Variants in AGFG1 observed in about 807,000 individuals in gnomAD.
AGFG1 encodes arf-GAP domain and FG repeat-containing protein 1.
Under a neutral mutation model 60.6 loss-of-function variants are expected in AGFG1, and 10 were observed. That is an observed-to-expected ratio of 0.16 (90% CI 0.10 to 0.28). The LOEUF (loss-of-function observed/expected upper bound fraction) is 0.28, where lower values mean the gene tolerates loss of function less well. Among genes scored for constraint, AGFG1 ranks in the 10% least tolerant of loss-of-function variants. The pLI is 1.00. For synonymous variants in AGFG1, 247 were observed against 242.9 expected, an observed-to-expected ratio of 1.02 and a Z score of -0.16; for missense variants, 537 against 676.5, an observed-to-expected ratio of 0.79 and a Z score of 2.29.
chr2:227,526,769 C>T (rs1240657908), intron 5 of AGFG1, among the ~76,000 whole-genome samples: 1 of 152,054 alleles, frequency 6.6e-6, no homozygotes. Context: ...GTCTCGAACT[C>T]CTGACCTCAG....
chr2:227,505,262 T>C (rs1408909695), intron 2 of AGFG1, among the ~76,000 whole-genome samples: 4 of 152,244 alleles, frequency 2.6e-5, no homozygotes, highest in African/African-American at 7.2e-5. Flanking sequence ...ATTTTTGTTT[T>C]CAGAATGTGA....
rs542599110 is a variant in AGFG1, at chr2:227,488,599, G to A, written c.168-2948G>A. Among the ~76,000 whole-genome samples, 244 of 152,340 alleles carry A rather than the reference G, an allele frequency of 1.6e-3. 1 individual carries two copies. Among genetic ancestry groups the A allele is most frequent in the Middle Eastern group, 3.4e-3 (1 of 294 alleles). On this transcript the variant is annotated intron_variant, in intron 1 of 12. Transcript: ENST00000310078. ...AAGGAGAGACAAAGTTGCAAAGTGA[G>A]AAGGAAGGAGTAGAGGCATTTGAGA...
intron 2 of AGFG1, among the ~76,000 whole-genome samples, chr2:227,513,155 A>G (rs1442206697): frequency 6.6e-6 from 1 of 152,250 alleles, no homozygotes; most frequent in Non-Finnish European, 1.5e-5. Flanking sequence ...TTCCTTTTAT[A>G]TATGAGTAAT....
Position 227,553,789 on chromosome 2 carries a change from T to A in AGFG1, c.1623T>A (p.Pro541=). Residue 541 remains proline (P), a synonymous_variant, in exon 12 of 13, where the codon CCT becomes CCA. Coordinates refer to ENST00000310078, the MANE Select transcript of AGFG1 (RefSeq NM_004504.5). ...QVAAAGVSSN[P]FMTGAPTGQF... The stretch of plus-strand genomic sequence containing the variant: ...CAGCTGCTGGAGTATCTAGTAATCC[T>A]TTTATGGTAAGCAAAATTTAAAATT... 3.7e-6 allele frequency: 6 copies of A among 1,610,392 alleles called. No homozygotes were observed. Among genetic ancestry groups the A allele is most frequent in the Non-Finnish European group, 5.1e-6 (6 of 1,177,642 alleles).
At chr2:227,492,758 C>T (rs1324566601) in intron 2 of AGFG1, among the ~76,000 whole-genome samples, 1 of 152,058 alleles carries the variant, frequency 6.6e-6, no homozygotes, top group Non-Finnish European at 1.5e-5. Context: ...TTTGAGTATT[C>T]AGATTCCAGA....
chr2:227,479,612 A>G (rs1375266181), intron 1 of AGFG1, among the ~76,000 whole-genome samples: 2 of 152,028 alleles, frequency 1.3e-5, no homozygotes, highest in Non-Finnish European at 2.9e-5. Context: ...TTTGTGAGAA[A>G]CTCCTATGGA....
At chr2:227,535,810 A>G (rs1410568811) in intron 8 of AGFG1, among the ~76,000 whole-genome samples, 5 of 152,298 alleles carry the variant, frequency 3.3e-5, no homozygotes, top group African/African-American at 1.2e-4. Flanking sequence ...TACTTTATAT[A>G]TAATACATGA....
At chr2:227,486,140 T>G (rs1024534632) in intron 1 of AGFG1, among the ~76,000 whole-genome samples, 5 of 152,234 alleles carry the variant, frequency 3.3e-5, no homozygotes, top group African/African-American at 7.2e-5. Context: ...GAGGTTGAGC[T>G]CTCTCATCTC....
At chr2:227,479,742 T>C (rs745328789) in intron 1 of AGFG1, among the ~76,000 whole-genome samples, 7 of 152,236 alleles carry the variant, frequency 4.6e-5, no homozygotes, top group Non-Finnish European at 8.8e-5. Flanking sequence ...CTTTAATGTA[T>C]GTAAAAACGT....
intron 2 of AGFG1, among the ~76,000 whole-genome samples, chr2:227,500,986 G>A (rs1691137205): frequency 6.6e-6 from 1 of 151,876 alleles, no homozygotes; most frequent in Non-Finnish European, 1.5e-5. Context: ...TAGAGACGAG[G>A]GTTCATCATA....
In AGFG1 at chr2:227,520,063, G is replaced by T; in HGVS notation, c.377G>T (p.Trp126Leu). The T allele has an allele frequency of 6.5e-7, 1 of 1,549,206 alleles. No individual in the cohort carries two copies. Among genetic ancestry groups the T allele is most frequent in the South Asian group, 1.2e-5 (1 of 84,084 alleles). ...FLQEKYEKKR[W>L]YVPPEQAKVV... ...CAAGAAAAGTATGAAAAGAAAAGAT[G>T]GTGAGTGAAGAGTTTGTATGTAGAA... is the stretch of plus-strand genomic sequence containing the variant. The change falls in exon 3 of 13, where the codon TGG (tryptophan) becomes TTG (leucine). Residue 126 changes from tryptophan (W) to leucine (L), a missense_variant and splice_region_variant. By Grantham distance (61) the Trp-to-Leu change is moderately conservative (BLOSUM62 -2). Coordinates refer to ENST00000310078, the MANE Select transcript of AGFG1 (RefSeq NM_004504.5).
intron 10 of AGFG1, among the ~76,000 whole-genome samples, chr2:227,549,011 C>CT (rs5839222): frequency 0.6 from 89,132 of 148,366 alleles, 26,510 homozygotes; most frequent in South Asian, 0.7. Flanking sequence ...CTCAGTTAAC[C>CT]TTTTTTTTTT....
At chr2:227,543,154 C>T (rs752335110) in intron 10 of AGFG1, among the ~76,000 whole-genome samples, 3 of 152,166 alleles carry the variant, frequency 2.0e-5, no homozygotes, top group Non-Finnish European at 4.4e-5. Flanking sequence ...GTCTCTCTCT[C>T]CTTCAATTCT....
chr2:227,537,079 G>A (rs142097324), intron 10 of AGFG1, 86 bp downstream of exon 10: 146 of 1,165,230 alleles, frequency 1.3e-4, no homozygotes, highest in Admixed American at 2.4e-4. Flanking sequence ...AGAAAATGGG[G>A]CCTCTTTCTT....
intron 2 of AGFG1, among the ~76,000 whole-genome samples, chr2:227,507,267 A>G (rs1050160657): frequency 2.0e-5 from 3 of 152,170 alleles, no homozygotes; most frequent in African/African-American, 7.2e-5. Context: ...ACATAACATA[A>G]AAATGCGGAA....
intron 8 of AGFG1, among the ~76,000 whole-genome samples, chr2:227,535,609 A>G (rs1332541115): frequency 6.6e-6 from 1 of 152,188 alleles, no homozygotes; most frequent in Non-Finnish European, 1.5e-5. Flanking sequence ...TTTATTTTAG[A>G]GTTGCGGAAA....
At position 227,513,651 on chromosome 2, in the gene AGFG1, T is replaced by A. The variant is rs147260998; in HGVS notation, c.262-6297T>A. ...CCACCTATGCTTCGTAACAGTCTCC[T>A]TATTAAACTTCCTTCAAATTATCCA... On this transcript the variant is annotated intron_variant, in intron 2 of 12. Transcript: ENST00000310078. 1.5e-3 allele frequency among the ~76,000 whole-genome samples: 224 copies of A among 152,354 alleles called. 3 individuals are homozygous for A. The highest frequency in any genetic ancestry group is 5.1e-3 in the African/African-American group (210 of 41,570).
intron 1 of AGFG1, among the ~76,000 whole-genome samples, chr2:227,484,702 T>TTTTTG (rs1690573631): frequency 4.8e-5 from 1 of 20,936 alleles, no homozygotes; most frequent in Admixed American, 4.9e-4. Context: ...TTTTTTTTTT[T>TTTTTG]TTTTTTTTTT....
chr2:227,487,499 ATTTG>A (rs1257695512), intron 1 of AGFG1, among the ~76,000 whole-genome samples: 2 of 152,082 alleles, frequency 1.3e-5, no homozygotes, highest in African/African-American at 4.8e-5. Context: ...TAAAATTGTT[ATTTG>A]TTTAACCATT....
Sources: allele counts gnomAD v4.1 joint callset (sites outside exome capture counted in the v4.1 genomes callset), GRCh38; gene constraint gnomAD v4.1.1; transcripts MANE v1.5; gene names NCBI Gene and HGNC (gene_info 2026-07-23, HGNC 2026-07-21).